Variants in FAM168A observed in about 807,000 individuals in gnomAD.
FAM168A encodes the protein family with sequence similarity 168 member A.
A neutral mutation model predicts 28.5 loss-of-function variants in FAM168A; 3 were observed. The ratio of observed to expected loss-of-function variants is 0.11; its 90% CI spans 0.05 to 0.27. The LOEUF (loss-of-function observed/expected upper bound fraction) is 0.27. Ranked by LOEUF, FAM168A falls within the 10% of genes least tolerant of loss-of-function variation. FAM168A has a pLI of 1.00. For missense variants in FAM168A, 222 were observed against 311.5 expected (o/e 0.71, Z 2.16); for synonymous variants, 122 against 124.2 (o/e 0.98, Z 0.12).
At chr11:73,412,662 C>G (rs900144173) in intron 4 of FAM168A, among the ~76,000 whole-genome samples, 2 of 152,206 alleles carry the variant, frequency 1.3e-5, no homozygotes, top group African/African-American at 4.8e-5. Flanking sequence ...TTAATAACTT[C>G]TCCTAAAGAC....
At chr11:73,448,425 C>T (rs954818946) in intron 2 of FAM168A, among the ~76,000 whole-genome samples, 3 of 152,182 alleles carry the variant, frequency 2.0e-5, no homozygotes, top group Admixed American at 1.3e-4. Context: ...GTAGGTCCTA[C>T]CATTACCTTT....
intron 1 of FAM168A, among the ~76,000 whole-genome samples, chr11:73,531,971 ATTTT>A (rs1016007383): frequency 2.4e-5 from 3 of 123,478 alleles, no homozygotes; most frequent in Non-Finnish European, 1.7e-5. Flanking sequence ...TGCCTGGCTA[ATTTT>A]TTTTTTTTTT....
At chr11:73,524,036 A>G (rs1183984554) in intron 1 of FAM168A, among the ~76,000 whole-genome samples, 1 of 151,974 alleles carries the variant, frequency 6.6e-6, no homozygotes, top group African/African-American at 2.4e-5. Flanking sequence ...CTACTCTCAT[A>G]ATTAATTGTT....
chr11:73,418,818 T>A (rs1187224599), intron 4 of FAM168A, among the ~76,000 whole-genome samples: 2 of 151,878 alleles, frequency 1.3e-5, no homozygotes, highest in East Asian at 1.9e-4. Context: ...CATTTTTTTT[T>A]TTTTTTTTGA....
chr11:73,590,626 G>A (rs1209998618), intron 1 of FAM168A, among the ~76,000 whole-genome samples: 1 of 152,038 alleles, frequency 6.6e-6, no homozygotes, highest in Non-Finnish European at 1.5e-5. Context: ...CCGAATGCTG[G>A]TTATACATTT....
At position 73,407,646 on chromosome 11, in the gene FAM168A, G is replaced by A; in HGVS notation, c.596-3C>T. The A allele has an allele frequency of 6.2e-7, 1 of 1,608,822 alleles. No individual in the cohort carries two copies. ...CTGGGGTGTAGTCAGCAGGGTACCT[G>A]AGCATCCAGAGAGAGAAGAGTAACC... On this transcript the variant is annotated splice_polypyrimidine_tract_variant and splice_region_variant and intron_variant, in intron 6 of 7. Coordinates refer to ENST00000356467, the MANE Select transcript of FAM168A (RefSeq NM_015159.3).
At chr11:73,592,068 C>G (rs586309) in intron 1 of FAM168A, among the ~76,000 whole-genome samples, 75,846 of 152,082 alleles carry the variant, frequency 0.5, 21,301 homozygotes, top group African/African-American at 0.78. Context: ...CAAGCTTGAG[C>G]GACATGATCA....
chr11:73,580,379 G>A, intron 1 of FAM168A: 1 of 612,210 alleles, frequency 1.6e-6, no homozygotes, highest in South Asian at 1.4e-5. Flanking sequence ...GGCCAAAAAA[G>A]CCCCTGCAAA....
chr11:73,541,494 T>A (rs552320989), intron 1 of FAM168A, among the ~76,000 whole-genome samples: 2 of 151,508 alleles, frequency 1.3e-5, no homozygotes, highest in South Asian at 4.2e-4. Flanking sequence ...TGCCTCAGCC[T>A]CCCGAGCAGC....
At chr11:73,527,708 AGGTGG>A (rs1273974541) in intron 1 of FAM168A, among the ~76,000 whole-genome samples, 1 of 152,132 alleles carries the variant, frequency 6.6e-6, no homozygotes, top group East Asian at 1.9e-4. Context: ...GGTTTTGCCC[AGGTGG>A]GTTCTAGAAA....
intron 2 of FAM168A, among the ~76,000 whole-genome samples, chr11:73,462,291 C>G (rs1180104915): frequency 6.6e-6 from 1 of 152,154 alleles, no homozygotes; most frequent in Admixed American, 6.6e-5. Context: ...GAAGGAAATC[C>G]TGACACACGG....
chr11:73,524,573 C>CAT (rs1464718133), intron 1 of FAM168A, among the ~76,000 whole-genome samples: 1 of 151,272 alleles, frequency 6.6e-6, no homozygotes, highest in African/African-American at 2.4e-5. Context: ...ATATTATATA[C>CAT]ATATATATGT....
chr11:73,412,910 G>A (rs1439728807), intron 4 of FAM168A, among the ~76,000 whole-genome samples: 1 of 152,210 alleles, frequency 6.6e-6, no homozygotes, highest in Non-Finnish European at 1.5e-5. Flanking sequence ...TGGAGGGAGT[G>A]CTTTATTGGA....
intron 3 of FAM168A, among the ~76,000 whole-genome samples, chr11:73,421,096 T>A (rs1590761289): frequency 6.7e-6 from 1 of 148,564 alleles, no homozygotes; most frequent in Non-Finnish European, 1.5e-5. Context: ...GGATATGGGG[T>A]GCTATATAGT....
At position 73,527,804 on chromosome 11, in the gene FAM168A, TA is replaced by T. The variant is rs761431877; in HGVS notation, c.-18-59313del. 4.2e-4 allele frequency among the ~76,000 whole-genome samples: 64 copies of T among 151,948 alleles called. 1 individual carries two copies. The highest frequency in any genetic ancestry group is 2.2e-4 in the Non-Finnish European group (15 of 67,998). ...GAAAAAAAAAAGACTTCAACTTATA[TA>T]GAGTATGCAGTTAAAAATAAGTGAC... On this transcript the variant is annotated intron_variant, in intron 1 of 7. Coordinates refer to ENST00000356467, the MANE Select transcript of FAM168A (RefSeq NM_015159.3).
chr11:73,472,494 T>C (rs1867829603), intron 1 of FAM168A, among the ~76,000 whole-genome samples: 1 of 152,212 alleles, frequency 6.6e-6, no homozygotes, highest in African/African-American at 2.4e-5. Context: ...ATACAAACTT[T>C]GTTTTTATTC....
At chr11:73,463,953 G>T (rs1364435200) in intron 2 of FAM168A, among the ~76,000 whole-genome samples, 3 of 152,096 alleles carry the variant, frequency 2.0e-5, no homozygotes, top group African/African-American at 7.2e-5. Flanking sequence ...GAGGAGAGGA[G>T]ATCAGTTTGA....
At chr11:73,588,600 C>A (rs1202914008) in intron 1 of FAM168A, among the ~76,000 whole-genome samples, 1 of 151,870 alleles carries the variant, frequency 6.6e-6, no homozygotes, top group Non-Finnish European at 1.5e-5. Context: ...GCTGAGGTGG[C>A]AGGATTACAT....
intron 3 of FAM168A, chr11:73,424,901 C>G: frequency 1.3e-6 from 1 of 779,920 alleles, no homozygotes; most frequent in Admixed American, 3.3e-5. Context: ...TGCTGAGCCA[C>G]CTGGGGGGAG....
Sources: gnomAD v4.1 joint callset for allele counts (sites outside exome capture counted in the v4.1 genomes callset) on GRCh38, gnomAD v4.1.1 for gene constraint, MANE v1.5 for transcripts, NCBI Gene and HGNC (gene_info 2026-07-23, HGNC 2026-07-21) for gene names.